SPOP: variants seen among roughly 807,000 people sequenced by gnomAD.
The protein encoded by SPOP is speckle-type POZ protein.
SPOP carries 11 observed loss-of-function variants against 45.6 expected under a neutral mutation model. The ratio of observed to expected loss-of-function variants is 0.24; its 90% CI spans 0.15 to 0.40. The LOEUF is 0.40. SPOP is among the 10% of genes least tolerant of loss of function. SPOP has a pLI of 1.00. For synonymous variants in SPOP, 166 were observed against 166.3 expected, an observed-to-expected ratio of 1.00 and a Z score of 0.01; for missense variants, 152 against 465.6, an observed-to-expected ratio of 0.33 and a Z score of 6.20.
chr17:49,632,160 G>A (rs2072462474), intron 1 of SPOP, among the ~76,000 whole-genome samples: 1 of 152,148 alleles, frequency 6.6e-6, no homozygotes, highest in African/African-American at 2.4e-5. Context: ...TAAAGTTTAG[G>A]AGTTGTTGAA....
chr17:49,619,034 A>G lies in SPOP; in HGVS notation c.427T>C (p.Leu143=), dbSNP rs2072153847. The change falls in exon 5 of 10, where the codon TTG becomes CTG. Residue 143 remains leucine (L), a synonymous_variant. Coordinates refer to ENST00000504102, the MANE Select transcript of SPOP (RefSeq NM_001007228.2). This position sits in a 1 kb window ranked among gnomAD's most constrained non-coding sequence, Gnocchi z 4.9. ...FKKFIRRDFL[L]DEANGLLPDD... is the part of the protein sequence containing the mutation. ...GGGAGAAGCCCGTTGGCCTCATCCA[A>G]AAGAAAATCTCTACGGATGAATTTC... 10 of 1,614,168 alleles carry G rather than the reference A, an allele frequency of 6.2e-6. No individual in the cohort carries two copies. In the East Asian group the frequency reaches 2.0e-4, roughly 32 times the overall value.
At chr17:49,601,244 T>C (rs2071733874) in intron 9 of SPOP, 1 of 152,550 alleles carries the variant, frequency 6.6e-6, no homozygotes, top group Non-Finnish European at 1.5e-5. Flanking sequence ...TTTCCAGCTT[T>C]TGCTCTCTCC....
chr17:49,649,235 A>G (rs1174695509), intron 1 of SPOP, among the ~76,000 whole-genome samples: 3 of 151,992 alleles, frequency 2.0e-5, no homozygotes, highest in Non-Finnish European at 4.4e-5. Context: ...GTTCTCTTTA[A>G]TTGATAGAAA....
At chr17:49,609,368 A>G (rs1008872142) in intron 6 of SPOP, among the ~76,000 whole-genome samples, 1 of 152,258 alleles carries the variant, frequency 6.6e-6, no homozygotes, top group African/African-American at 2.4e-5. Flanking sequence ...CAGAAATTAA[A>G]GACTAAAGGC....
At chr17:49,657,555 C>T (rs1251363099) in intron 1 of SPOP, among the ~76,000 whole-genome samples, 11 of 151,778 alleles carry the variant, frequency 7.2e-5, no homozygotes, top group Non-Finnish European at 1.0e-4. Flanking sequence ...CCCGCCACCA[C>T]GCCCAGCTAA....
chr17:49,626,125 A>G (rs2072325876), intron 1 of SPOP, among the ~76,000 whole-genome samples: 1 of 152,204 alleles, frequency 6.6e-6, no homozygotes, highest in Non-Finnish European at 1.5e-5. Flanking sequence ...GCCAAACAAT[A>G]TGAATCTTAT....
intron 1 of SPOP, among the ~76,000 whole-genome samples, chr17:49,669,424 T>C (rs954968540): frequency 1.8e-5 from 1 of 54,916 alleles, no homozygotes; most frequent in Non-Finnish European, 3.8e-5. Flanking sequence ...CAATAAAAAA[T>C]AAATTAAAAA....
At chr17:49,608,841 C>G (rs761698859) in intron 6 of SPOP, among the ~76,000 whole-genome samples, 3 of 151,618 alleles carry the variant, frequency 2.0e-5, no homozygotes, top group Admixed American at 6.6e-5. Context: ...TTTGAGCTAA[C>G]AGAGAACTGG....
In SPOP at chr17:49,666,679, C is replaced by A. The variant is rs182995751; in HGVS notation, c.-67+11254G>T. 1.2e-3 allele frequency among the ~76,000 whole-genome samples: 175 copies of A among 151,904 alleles called. 1 individual carries two copies. Among genetic ancestry groups the A allele is most frequent in the Admixed American group, 7.1e-3 (108 of 15,252 alleles). On this transcript the variant is annotated intron_variant, in intron 1 of 9. Transcript: ENST00000504102. ...CACATCTCTACCAAAAATACAAAAA[C>A]AAGCCTGGTGTGGTGGTGGGCACCT... is the stretch of plus-strand genomic sequence containing the variant.
intron 1 of SPOP, among the ~76,000 whole-genome samples, chr17:49,623,501 C>T (rs1597929313): frequency 6.6e-6 from 1 of 152,152 alleles, no homozygotes; most frequent in Admixed American, 6.5e-5. Flanking sequence ...TAACATCAGA[C>T]ATAACTTGCC....
chr17:49,653,112 A>G (rs1338146889), intron 1 of SPOP, among the ~76,000 whole-genome samples: 1 of 151,980 alleles, frequency 6.6e-6, no homozygotes, highest in African/African-American at 2.4e-5. Context: ...TTTCCCCCTC[A>G]TCTTTAATTG....
At chr17:49,662,564 G>C (rs2073002760) in intron 1 of SPOP, among the ~76,000 whole-genome samples, 1 of 151,956 alleles carries the variant, frequency 6.6e-6, no homozygotes, top group Non-Finnish European at 1.5e-5. Context: ...GCAGGCGCCT[G>C]TAATCCCAGC....
At chr17:49,631,203 C>A (rs532811935) in intron 1 of SPOP, among the ~76,000 whole-genome samples, 2 of 151,764 alleles carry the variant, frequency 1.3e-5, no homozygotes, top group East Asian at 3.9e-4. Context: ...TTATAAAACA[C>A]GTGAAAATGG....
At chr17:49,678,109 A>C (rs1250608141), upstream of SPOP, 1 of 396,106 alleles carries the variant, frequency 2.5e-6, no homozygotes, top group Non-Finnish European at 4.4e-6. Context: ...TGGCGTCAGC[A>C]CGTCGACGCA....
rs2071714173 is a variant in SPOP at position 49,600,184 on chromosome 17, T to C, written c.*194A>G. ...ACACAGTGACGCAGCAACAGGGTTT[T>C]CATTTCATTTTCCCTCCCCCCGTTT... On this transcript the variant is annotated 3_prime_UTR_variant, in exon 10 of 10. Transcript: ENST00000504102. This position sits in a 1 kb window ranked among gnomAD's most constrained non-coding sequence, Gnocchi z 4.2. 2 of 735,212 alleles carry C rather than the reference T, an allele frequency of 2.7e-6. No homozygotes were observed. Among genetic ancestry groups the C allele is most frequent in the Non-Finnish European group, 4.5e-6 (2 of 442,208 alleles). 45.5% of individuals were successfully genotyped at this position (735,212 alleles called of 1,614,324 possible).
chr17:49,608,901 A>T (rs1321579662), intron 6 of SPOP, among the ~76,000 whole-genome samples: 12 of 145,292 alleles, frequency 8.3e-5, no homozygotes, highest in African/African-American at 2.3e-4. Context: ...TAGCTCTGCC[A>T]TTTTTTTTTT....
chr17:49,604,767 A>G (rs2071805494), intron 8 of SPOP, among the ~76,000 whole-genome samples: 1 of 152,180 alleles, frequency 6.6e-6, no homozygotes, highest in Admixed American at 6.5e-5. Flanking sequence ...GTTTCCACAG[A>G]CCGCAGGGCC....
At chr17:49,611,535 A>G in intron 5 of SPOP, 78 bp from the exon 6 acceptor site, 1 of 1,311,436 alleles carries the variant, frequency 7.6e-7, no homozygotes. Flanking sequence ...ACTTTTACCT[A>G]ACTGCTGTAG....
chr17:49,610,610 C>CT (rs1210759903), intron 6 of SPOP, among the ~76,000 whole-genome samples: 7 of 152,306 alleles, frequency 4.6e-5, no homozygotes, highest in African/African-American at 1.4e-4. Context: ...CAGGTGTGTA[C>CT]TTTAGAATGA....
Sources: gnomAD v4.1 joint callset for allele counts (sites outside exome capture counted in the v4.1 genomes callset) on GRCh38, gnomAD v4.1.1 for gene constraint, Gnocchi (gnomAD v3.1) non-coding constraint, MANE v1.5 for transcripts, NCBI Gene and HGNC (gene_info 2026-07-23, HGNC 2026-07-21) for gene names.